Variants in NTN4 observed in about 807,000 individuals in gnomAD.
NTN4 encodes netrin-4.
Under a neutral mutation model 73.6 loss-of-function variants are expected in NTN4, and 32 were observed. The ratio of observed to expected loss-of-function variants is 0.44; its 90% CI spans 0.33 to 0.58. NTN4 has a LOEUF of 0.58. Ranked by LOEUF, NTN4 falls within the 20% of genes least tolerant of loss-of-function variation. The pLI is 0.04. For missense variants in NTN4, 654 were observed against 798.3 expected (o/e 0.82, Z 2.18); for synonymous variants, 258 against 287.5 (o/e 0.90, Z 1.04).
chr12:95,708,444 C>A, intron 5 of NTN4, among the ~76,000 whole-genome samples: 1 of 151,978 alleles, frequency 6.6e-6, no homozygotes, highest in South Asian at 2.1e-4. Context: ...CCCGCCACCA[C>A]GCCCGGCTAA....
chr12:95,684,212 T>C (rs918574278), intron 5 of NTN4, among the ~76,000 whole-genome samples: 1 of 151,984 alleles, frequency 6.6e-6, no homozygotes, highest in Non-Finnish European at 1.5e-5. Flanking sequence ...GTGTAATACA[T>C]AGTGAGAGGG....
At position 95,658,272 on chromosome 12, in the gene NTN4, C is replaced by T. The variant is rs1482014982; in HGVS notation, c.*814G>A. On this transcript the variant is annotated 3_prime_UTR_variant, in exon 10 of 10. Coordinates refer to ENST00000343702, the MANE Select transcript of NTN4 (RefSeq NM_021229.4). ...ATATGTCTACATTTATGATTTCTTT[C>T]TCTTATTTTAAAGTCTCTTCTGGTT... is the stretch of plus-strand genomic sequence containing the variant. 1 of 152,108 alleles carries T rather than the reference C, an allele frequency of 6.6e-6. No individual in the cohort carries two copies. Among genetic ancestry groups the T allele is most frequent in the Non-Finnish European group, 1.5e-5 (1 of 68,002 alleles). The allele number at this position is 152,108 out of a possible 1,614,324, so 9.4% of individuals were successfully genotyped here.
chr12:95,764,739 C>T (rs2079009658), intron 2 of NTN4, among the ~76,000 whole-genome samples: 1 of 150,654 alleles, frequency 6.6e-6, no homozygotes, highest in Admixed American at 6.6e-5. Context: ...TCTTGGCTGT[C>T]ACTTTCTACC....
At chr12:95,670,040 A>C in intron 8 of NTN4, 38 bp downstream of exon 8, 1 of 1,282,190 alleles carries the variant, frequency 7.8e-7, no homozygotes, top group South Asian at 1.4e-5. Flanking sequence ...ACTTAGTGTG[A>C]ATAGGTTCTC....
At chr12:95,729,457 T>G (rs978950527) in intron 3 of NTN4, among the ~76,000 whole-genome samples, 5 of 152,192 alleles carry the variant, frequency 3.3e-5, no homozygotes, top group African/African-American at 1.2e-4. Context: ...ACTAATTTAC[T>G]ATTTTATTCC....
intron 2 of NTN4, among the ~76,000 whole-genome samples, chr12:95,773,730 AT>A (rs920232728): frequency 3.3e-5 from 5 of 150,252 alleles, no homozygotes; most frequent in Admixed American, 6.6e-5. Flanking sequence ...TCTCTGCTTT[AT>A]TTTTTTTTCC....
rs116730408 is a variant in NTN4 at position 95,732,612 on chromosome 12, G to A, written c.864+5254C>T. Among the ~76,000 whole-genome samples, 1,422 of 151,806 alleles carry A rather than the reference G, an allele frequency of 9.4e-3. 24 individuals carry two copies. The highest frequency in any genetic ancestry group is 0.032 in the African/African-American group (1,334 of 41,426). ...GAGACAGGGTTTTACCGTGTTGGCC[G>A]GGCAGATCACTCCTGACTTCAGGTG... On this transcript the variant is annotated intron_variant, in intron 3 of 9. Coordinates refer to ENST00000343702, the MANE Select transcript of NTN4 (RefSeq NM_021229.4).
In NTN4 at chr12:95,730,732, C is replaced by CA. The variant is rs761608569; in HGVS notation, c.864+7133_864+7134insT. Among the ~76,000 whole-genome samples, 84 of 152,288 alleles carry CA rather than the reference C, an allele frequency of 5.5e-4. 1 individual carries two copies. Among genetic ancestry groups the CA allele is most frequent in the Non-Finnish European group, 1.1e-3 (77 of 68,020 alleles). ...GTGGTTACTCAGTGCTAAGGGACTA[C>CA]CAGCAGAACTATGCCATGCTAACAC... is the stretch of plus-strand genomic sequence containing the variant. On this transcript the variant is annotated intron_variant, in intron 3 of 9. Coordinates refer to ENST00000343702, the MANE Select transcript of NTN4 (RefSeq NM_021229.4).
intron 7 of NTN4, among the ~76,000 whole-genome samples, chr12:95,670,740 G>A (rs12426964): frequency 6.6e-6 from 1 of 151,076 alleles, no homozygotes; most frequent in Non-Finnish European, 1.5e-5. Context: ...TAAGTGGTCT[G>A]GGAGAGGTAC....
chr12:95,784,059 T>C (rs1305760126), intron 2 of NTN4, among the ~76,000 whole-genome samples: 2 of 152,226 alleles, frequency 1.3e-5, no homozygotes, highest in Non-Finnish European at 2.9e-5. Flanking sequence ...TTAAGCCTTA[T>C]ATAGAATGGA....
At chr12:95,769,127 A>G (rs2079038817) in intron 2 of NTN4, among the ~76,000 whole-genome samples, 1 of 152,210 alleles carries the variant, frequency 6.6e-6, no homozygotes, top group African/African-American at 2.4e-5. Context: ...GTTTTAGGGC[A>G]AACTTGAGAG....
At chr12:95,693,778 C>T (rs1271752443) in intron 5 of NTN4, among the ~76,000 whole-genome samples, 1 of 149,954 alleles carries the variant, frequency 6.7e-6, no homozygotes, top group African/African-American at 2.4e-5. Flanking sequence ...TAACCTATTA[C>T]TCTTATTTTG....
chr12:95,773,851 C>A (rs1367871431), intron 2 of NTN4, among the ~76,000 whole-genome samples: 1 of 152,080 alleles, frequency 6.6e-6, no homozygotes, highest in African/African-American at 2.4e-5. Context: ...TAGATGACTT[C>A]ATTAGAAATA....
intron 2 of NTN4, among the ~76,000 whole-genome samples, chr12:95,739,026 C>T (rs995942135): frequency 6.6e-6 from 1 of 152,182 alleles, no homozygotes; most frequent in Non-Finnish European, 1.5e-5. Context: ...GTACTTATCA[C>T]CATCTGACAT....
At chr12:95,751,472 T>C (rs12425067) in intron 2 of NTN4, among the ~76,000 whole-genome samples, 38,415 of 151,824 alleles carry the variant, frequency 0.25, 5,206 homozygotes, top group South Asian at 0.34. Flanking sequence ...ATCTGGCCAC[T>C]GGGCCAAGGA....
intron 3 of NTN4, among the ~76,000 whole-genome samples, chr12:95,733,751 G>C (rs1243206522): frequency 6.6e-6 from 1 of 152,002 alleles, no homozygotes; most frequent in Non-Finnish European, 1.5e-5. Flanking sequence ...GGGAAACATG[G>C]GGGGAAGGTG....
chr12:95,768,251 C>T (rs2079033501), intron 2 of NTN4, among the ~76,000 whole-genome samples: 1 of 151,964 alleles, frequency 6.6e-6, no homozygotes, highest in African/African-American at 2.4e-5. Context: ...TGTGGGTGCA[C>T]ACATGTGATG....
intron 7 of NTN4, among the ~76,000 whole-genome samples, chr12:95,675,926 G>A (rs573676767): frequency 7.9e-5 from 12 of 152,168 alleles, no homozygotes; most frequent in Admixed American, 6.5e-4. Context: ...TATTATTCAT[G>A]GCCACTTGAT....
chr12:95,689,023 T>C (rs2078383120), intron 5 of NTN4, among the ~76,000 whole-genome samples: 1 of 152,146 alleles, frequency 6.6e-6, no homozygotes, highest in South Asian at 2.1e-4. Flanking sequence ...CTCAAACCAG[T>C]ATGAATGTGT....
Sources: allele counts gnomAD v4.1 joint callset (sites outside exome capture counted in the v4.1 genomes callset), GRCh38; gene constraint gnomAD v4.1.1; transcripts MANE v1.5; gene names NCBI Gene and HGNC (gene_info 2026-07-23, HGNC 2026-07-21).